The following RXFP2 variants were observed in gnomAD, a reference collection of about 807,000 sequenced individuals.
The protein encoded by RXFP2 is relaxin family peptide receptor 2.
In RXFP2, 68 loss-of-function variants were observed where a neutral mutation model predicts 88.6. That is an observed-to-expected ratio of 0.77 (90% CI 0.63 to 0.94). The LOEUF is 0.94. RXFP2 is among the 40% of genes least tolerant of loss of function. The pLI is 0.00. For missense variants in RXFP2, 791 were observed against 893.9 expected (o/e 0.88, Z 1.47); for synonymous variants, 329 against 306.8 (o/e 1.07, Z -0.76).
At chr13:31,762,455 T>G (rs1593453457) in intron 3 of RXFP2, among the ~76,000 whole-genome samples, 2 of 152,128 alleles carry the variant, frequency 1.3e-5, no homozygotes, top group Non-Finnish European at 2.9e-5. Context: ...TCTGAGTGCA[T>G]GAGGTGGAGG....
At chr13:31,742,593 A>G (rs1871261961) in intron 1 of RXFP2, among the ~76,000 whole-genome samples, 1 of 152,170 alleles carries the variant, frequency 6.6e-6, no homozygotes, top group African/African-American at 2.4e-5. Flanking sequence ...TACATCTCAC[A>G]ACAGATGCTT....
At chr13:31,790,909 T>G (rs994826127) in intron 14 of RXFP2, among the ~76,000 whole-genome samples, 1 of 152,056 alleles carries the variant, frequency 6.6e-6, no homozygotes, top group Non-Finnish European at 1.5e-5. Context: ...TGAGGGTGTG[T>G]GTCTGGGTGG....
intron 3 of RXFP2, among the ~76,000 whole-genome samples, chr13:31,763,175 C>T (rs1203712012): frequency 6.6e-6 from 1 of 151,566 alleles, no homozygotes; most frequent in African/African-American, 2.4e-5. Flanking sequence ...CCTCAAACCT[C>T]CCAGGCTCAA....
intron 5 of RXFP2, among the ~76,000 whole-genome samples, chr13:31,769,908 C>G (rs75978122): frequency 0.01 from 1,550 of 152,280 alleles, 7 homozygotes; most frequent in Middle Eastern, 0.031. Flanking sequence ...ATAATTATGT[C>G]ATCTGCAAAT....
intron 1 of RXFP2, among the ~76,000 whole-genome samples, chr13:31,750,343 T>A (rs1309070822): frequency 6.6e-6 from 1 of 152,162 alleles, no homozygotes; most frequent in Non-Finnish European, 1.5e-5. Flanking sequence ...GATTGTCTTT[T>A]CTTCTGTAGG....
rs571489590 is a variant in RXFP2, at chr13:31,768,528, CAA to C, written c.497+2503_497+2504del. Among the ~76,000 whole-genome samples the C allele has an allele frequency of 1.3e-3, 191 of 152,226 alleles. 2 individuals are homozygous for C. The highest frequency in any genetic ancestry group is 4.3e-3 in the African/African-American group (180 of 41,538). On this transcript the variant is annotated intron_variant, in intron 5 of 17. Coordinates refer to ENST00000298386, the MANE Select transcript of RXFP2 (RefSeq NM_130806.5). ...TACTTGGGGAGAGAGGTTGTTTGCC[CAA>C]AGTCAGTCAGCTGACAAGTAATAGA...
chr13:31,746,321 A>C (rs373099728), intron 1 of RXFP2, among the ~76,000 whole-genome samples: 50 of 152,324 alleles, frequency 3.3e-4, no homozygotes, highest in African/African-American at 1.1e-3. Context: ...AGGATTGCTA[A>C]TTGGATTCAC....
intron 7 of RXFP2, among the ~76,000 whole-genome samples, chr13:31,776,253 CTTTTTTTTT>C: frequency 1.2e-5 from 1 of 84,384 alleles, no homozygotes; most frequent in East Asian, 3.9e-4. Flanking sequence ...CTCTTTCCTT[CTTTTTTTTT>C]TTTTTTTTTT....
intron 3 of RXFP2, among the ~76,000 whole-genome samples, chr13:31,764,819 T>C (rs1255497000): frequency 6.6e-6 from 1 of 152,224 alleles, no homozygotes; most frequent in African/African-American, 2.4e-5. Context: ...TAAATGCCTC[T>C]GAAATGACTA....
At chr13:31,774,343 GT>G (rs1566226819) in intron 5 of RXFP2, among the ~76,000 whole-genome samples, 1 of 152,200 alleles carries the variant, frequency 6.6e-6, no homozygotes, top group East Asian at 1.9e-4. Flanking sequence ...CATAGTGCCA[GT>G]TTGCAGAAAC....
chr13:31,759,349 C>A (rs976691989), intron 2 of RXFP2, among the ~76,000 whole-genome samples: 2 of 71,790 alleles, frequency 2.8e-5, no homozygotes, highest in Non-Finnish European at 2.8e-5. Flanking sequence ...CAGAGAAAAT[C>A]TTTTTAAGAT....
chr13:31,772,984 A>G (rs1872789261), intron 5 of RXFP2, among the ~76,000 whole-genome samples: 1 of 152,390 alleles, frequency 6.6e-6, no homozygotes, highest in Admixed American at 6.5e-5. Flanking sequence ...AGTGAATTGT[A>G]TATTTAAGAG....
At chr13:31,762,776 A>G (rs1400899598) in intron 3 of RXFP2, among the ~76,000 whole-genome samples, 1 of 152,192 alleles carries the variant, frequency 6.6e-6, no homozygotes, top group African/African-American at 2.4e-5. Context: ...AAAGTAAAAA[A>G]GGATAAGATT....
chr13:31,793,235 GT>G, intron 16 of RXFP2, 147 bp downstream of exon 16: 1 of 709,532 alleles, frequency 1.4e-6, no homozygotes, highest in South Asian at 1.9e-5. Flanking sequence ...TTTTACTATT[GT>G]GTTTATTGAA....
intron 1 of RXFP2, among the ~76,000 whole-genome samples, chr13:31,755,584 G>C (rs1358475035): frequency 6.6e-6 from 1 of 152,058 alleles, no homozygotes; most frequent in South Asian, 2.1e-4. Context: ...TGACTCTCTC[G>C]TTCATGTTCC....
chr13:31,794,012 TCTGA>T (rs1427305096), intron 16 of RXFP2, among the ~76,000 whole-genome samples: 1 of 152,144 alleles, frequency 6.6e-6, no homozygotes, highest in Non-Finnish European at 1.5e-5. Flanking sequence ...TGTTATATTC[TCTGA>T]CTATCAAAAG....
chr13:31,792,127 G>T (rs1873823060), intron 15 of RXFP2, 92 bp downstream of exon 15: 1 of 938,216 alleles, frequency 1.1e-6, no homozygotes, highest in Admixed American at 2.4e-5. Flanking sequence ...TCAACAAATG[G>T]CATTTAATGT....
chr13:31,773,423 T>C (rs78907077), intron 5 of RXFP2, among the ~76,000 whole-genome samples: 2 of 135,652 alleles, frequency 1.5e-5, no homozygotes, highest in Admixed American at 1.5e-4. Flanking sequence ...CTGTCCTGGC[T>C]TTTTTTTTTT....
intron 6 of RXFP2, among the ~76,000 whole-genome samples, chr13:31,775,060 C>A (rs1593460445): frequency 1.3e-5 from 2 of 152,188 alleles, no homozygotes; most frequent in South Asian, 2.1e-4. Flanking sequence ...TATACCCTTA[C>A]AATCTAACAT....
Sources: gnomAD v4.1 joint callset for allele counts (sites outside exome capture counted in the v4.1 genomes callset) on GRCh38, gnomAD v4.1.1 for gene constraint, MANE v1.5 for transcripts, NCBI Gene and HGNC (gene_info 2026-07-23, HGNC 2026-07-21) for gene names.